The following PFDN5 variants were observed in gnomAD, a reference collection of about 807,000 sequenced individuals.
PFDN5 encodes the protein prefoldin subunit 5.
A neutral mutation model predicts 21.5 loss-of-function variants in PFDN5; 13 were observed. The ratio of observed to expected loss-of-function variants is 0.60; its 90% CI spans 0.39 to 0.96. The LOEUF is 0.96. Ranked by LOEUF, PFDN5 falls within the 40% of genes least tolerant of loss-of-function variation. The pLI is 0.00. For synonymous variants in PFDN5, 84 were observed against 68.9 expected (o/e 1.22, Z -1.08); for missense variants, 188 against 186.2 (o/e 1.01, Z -0.06).
chr12:53,297,508 C>A, intron 3 of PFDN5: 1 of 219,438 alleles, frequency 4.6e-6, no homozygotes. Flanking sequence ...GGAAATGAGG[C>A]TGGCTTTTTA....
At chr12:53,296,571 G>A in intron 3 of PFDN5, 1 of 469,328 alleles carries the variant, frequency 2.1e-6, no homozygotes. Context: ...ACCACGACCG[G>A]CTAATTTTTG....
In PFDN5 at chr12:53,298,508, G is replaced by A. The variant is rs1416137914; in HGVS notation, c.388+358G>A. The A allele has an allele frequency of 1.5e-4, 29 of 187,934 alleles. 1 individual carries two copies. The Admixed American group carries it at 1.6e-3, about 10-fold the overall frequency. The allele number at this position is 187,934 out of a possible 1,614,324, so 11.6% of individuals were successfully genotyped here. On this transcript the variant is annotated intron_variant, in intron 5 of 5. Coordinates refer to ENST00000334478, the MANE Select transcript of PFDN5 (RefSeq NM_002624.4). ...CTCAGGAAGTTTAAAAAGAAAGCTT[G>A]GGCCCATTCCAGATTGACTAAATCA...
chr12:53,295,902 G>A lies in PFDN5; in HGVS notation c.136G>A (p.Ala46Thr). The part of the protein sequence containing the change: ...LKVVQTKYVE[A>T]KDCLNVLNKS... ...AGTGGTACAGACCAAGTATGTGGAA[G>A]CCAAGGACTGTCTGAACGTGCTGAA... The change falls in exon 2 of 6, where the codon GCC (alanine) becomes ACC (threonine). Residue 46 changes from alanine to threonine, a missense_variant. By Grantham distance (58) the Ala-to-Thr change is moderately conservative (BLOSUM62 0). Coordinates refer to ENST00000334478, the MANE Select transcript of PFDN5 (RefSeq NM_002624.4). The A allele has an allele frequency of 6.2e-7, 1 of 1,612,476 alleles. No homozygotes were observed. The highest frequency in any genetic ancestry group is 8.5e-7 in the Non-Finnish European group (1 of 1,178,494).
intron 2 of PFDN5, 63 bp from the exon 3 acceptor site, chr12:53,296,181 C>CT: frequency 9.6e-6 from 14 of 1,462,054 alleles, no homozygotes; most frequent in South Asian, 2.3e-5. Flanking sequence ...TTGGAACTCT[C>CT]TTTAACGTCT....
intron 5 of PFDN5, chr12:53,298,453 A>G: frequency 3.7e-6 from 1 of 268,694 alleles, no homozygotes; most frequent in Non-Finnish European, 7.4e-6. Flanking sequence ...AAATACCAGC[A>G]ATTATAACCC....
intron 3 of PFDN5, chr12:53,296,928 C>T (rs186188038): frequency 6.5e-6 from 1 of 154,396 alleles, no homozygotes; most frequent in African/African-American, 2.4e-5. Flanking sequence ...GATATAGAAA[C>T]AGGGAGCTTG....
In PFDN5 at chr12:53,297,925, G is replaced by T. The variant is rs375038641; in HGVS notation, c.282+1G>T. The T allele has an allele frequency of 6.2e-7, 1 of 1,610,348 alleles. No homozygotes were observed. The highest frequency in any genetic ancestry group is 8.5e-7 in the Non-Finnish European group (1 of 1,176,750). ...GGGAACTGGGTACTATGTAGAGAAG[G>T]TGAGTGAGAGCATGTGGATGCCCCT... On this transcript the variant is annotated splice_donor_variant, in intron 4 of 5. Coordinates refer to ENST00000334478, the MANE Select transcript of PFDN5 (RefSeq NM_002624.4). LOFTEE classifies it high-confidence loss of function.
chr12:53,297,052 G>C (rs1338933407), intron 3 of PFDN5: 1 of 153,018 alleles, frequency 6.5e-6, no homozygotes, highest in African/African-American at 2.4e-5. Context: ...AGTTATGGCA[G>C]TAGGGCATCT....
chr12:53,299,171 G>A (rs1020745), intron 5 of PFDN5, 98 bp from the exon 6 acceptor site: 679,599 of 703,250 alleles, frequency 0.97, 329,489 homozygotes, highest in Non-Finnish European at 0.99. Context: ...ACAAACTGTA[G>A]TTAGTCGGTC....
intron 5 of PFDN5, chr12:53,298,454 A>T (rs568170767): frequency 1.1e-5 from 3 of 266,162 alleles, no homozygotes; most frequent in Non-Finnish European, 2.2e-5. Flanking sequence ...AATACCAGCA[A>T]TTATAACCCC....
At chr12:53,295,755 C>G (rs1445146024) in intron 1 of PFDN5, 84 bp from the exon 2 acceptor site, 3 of 1,264,296 alleles carry the variant, frequency 2.4e-6, no homozygotes, top group Non-Finnish European at 3.5e-6. Flanking sequence ...AACCTCTATC[C>G]GATCCCAGGA....
chr12:53,298,205 T>C (rs1207172520), intron 5 of PFDN5, 55 bp downstream of exon 5: 2 of 1,113,324 alleles, frequency 1.8e-6, no homozygotes, highest in East Asian at 4.7e-5. Flanking sequence ...GGAACATGGA[T>C]TGCAGTGTGA....
chr12:53,296,899 C>T (rs963587430), intron 3 of PFDN5: 1 of 155,054 alleles, frequency 6.4e-6, no homozygotes, highest in African/African-American at 2.4e-5. Flanking sequence ...AAGATACAGG[C>T]AATAGACAAA....
chr12:53,296,502 G>T (rs1191029928), intron 3 of PFDN5: 1 of 637,432 alleles, frequency 1.6e-6, no homozygotes. Flanking sequence ...TCCGCCTCCC[G>T]AGTTCAAGAG....
intron 3 of PFDN5, chr12:53,296,692 C>T (rs1056809225): frequency 6.5e-6 from 2 of 309,772 alleles, no homozygotes; most frequent in South Asian, 2.7e-5. Flanking sequence ...ACATTACAGG[C>T]GTGAGCCACT....
In PFDN5 at chr12:53,295,642, G is replaced by A. The variant is rs765406977; in HGVS notation, c.72+3G>A. On this transcript the variant is annotated splice_donor_region_variant and intron_variant, in intron 1 of 5. Coordinates refer to ENST00000334478, the MANE Select transcript of PFDN5 (RefSeq NM_002624.4). Reference sequence around the variant, plus strand: ...TGCTCAAGAACCAGCTGGACCAGGTGGGGACGGGCCCCAGAGGCACCTCTT... The same window carrying A: ...TGCTCAAGAACCAGCTGGACCAGGTAGGGACGGGCCCCAGAGGCACCTCTT... 1.3e-5 allele frequency: 21 copies of A among 1,612,510 alleles called. No individual in the cohort carries two copies. In the East Asian group the frequency reaches 1.8e-4, roughly 14 times the overall value.
At chr12:53,298,181 T>A in intron 5 of PFDN5, 31 bp downstream of exon 5, 1 of 1,265,262 alleles carries the variant, frequency 7.9e-7, no homozygotes, top group Non-Finnish European at 1.2e-6. Context: ...CTCTTGACCC[T>A]ATCTCCATAA....
chr12:53,298,049 C>T lies in PFDN5; in HGVS notation c.287C>T (p.Ala96Val). 2 of 1,609,886 alleles carry T rather than the reference C, an allele frequency of 1.2e-6. No homozygotes were observed. The highest frequency in any genetic ancestry group is 1.7e-6 in the Non-Finnish European group (2 of 1,176,140). The part of the protein sequence containing the change: ...VGTGYYVEKT[A>V]EDAKDFFKRK... ...TATTCACCTCTGATCTTGTAGACAG[C>T]TGAGGATGCCAAGGACTTCTTCAAG... Residue 96 changes from alanine to valine, a missense_variant, in exon 5 of 6, where the codon GCT (alanine) becomes GTT (valine). Physicochemically the swap from Ala to Val is moderately conservative, Grantham distance 64. Coordinates refer to ENST00000334478, the MANE Select transcript of PFDN5 (RefSeq NM_002624.4).
At chr12:53,298,011 C>G in intron 4 of PFDN5, 34 bp from the exon 5 acceptor site, 1 of 1,563,000 alleles carries the variant, frequency 6.4e-7, no homozygotes. Context: ...GAGGGAGTCT[C>G]CTTTTAGCCC....
Sources: allele counts gnomAD v4.1 joint callset, GRCh38; gene constraint gnomAD v4.1.1; transcripts MANE v1.5; gene names NCBI Gene and HGNC (gene_info 2026-07-23, HGNC 2026-07-21).